The following SLC17A1 variants were observed in gnomAD, a reference collection of about 807,000 sequenced individuals.
SLC17A1 encodes solute carrier family 17 member 1.
In SLC17A1, 51 loss-of-function variants were observed where a neutral mutation model predicts 53.5. The observed-to-expected ratio is 0.95, with a 90% CI of 0.76 to 1.20. The LOEUF is 1.20. SLC17A1 is among the 50% of genes most tolerant of loss of function. SLC17A1 has a pLI of 0.00. For synonymous variants in SLC17A1, 179 were observed against 198.8 expected (o/e 0.90, Z 0.84); for missense variants, 538 against 568.2 (o/e 0.95, Z 0.54).
At chr6:25,802,063 A>G (rs901834474) in intron 10 of SLC17A1, among the ~76,000 whole-genome samples, 7 of 152,152 alleles carry the variant, frequency 4.6e-5, no homozygotes, top group African/African-American at 1.2e-4. Context: ...GGGAATTGGG[A>G]CCACTCATGA....
chr6:25,725,468 G>T, the SLC17A1 span, among the ~76,000 whole-genome samples: 2 of 152,120 alleles, frequency 1.3e-5, no homozygotes, highest in African/African-American at 4.8e-5. Context: ...TACCATATTT[G>T]AAAGGAAATT....
intron 12 of SLC17A1, among the ~76,000 whole-genome samples, chr6:25,783,940 G>C (rs1363652074): frequency 4.6e-5 from 7 of 151,860 alleles, no homozygotes; most frequent in Non-Finnish European, 5.9e-5. Context: ...GTCCAGATTA[G>C]CTCCTCTGAT....
At chr6:25,750,126 G>A in the SLC17A1 span, among the ~76,000 whole-genome samples, 41,364 of 152,146 alleles carry the variant, frequency 0.27, 6,835 homozygotes, top group East Asian at 0.7. Flanking sequence ...ACAAAGCACC[G>A]CCTTTTTTGG....
chr6:25,814,749 C>A (rs532104711), intron 6 of SLC17A1, among the ~76,000 whole-genome samples: 1 of 152,008 alleles, frequency 6.6e-6, no homozygotes, highest in Non-Finnish European at 1.5e-5. Flanking sequence ...TTTGGAAGGC[C>A]GAGGCGGGCG....
the SLC17A1 span, among the ~76,000 whole-genome samples, chr6:25,756,586 C>T: frequency 1.3e-4 from 20 of 152,318 alleles, no homozygotes; most frequent in East Asian, 3.5e-3. Context: ...ACAGCACTGT[C>T]CTCCCTTCAC....
intron 12 of SLC17A1, chr6:25,798,538 T>G (rs1763655854): frequency 2.9e-6 from 1 of 349,660 alleles, no homozygotes; most frequent in Non-Finnish European, 5.1e-6. Context: ...TTTGCAAACT[T>G]CTCTTTTTCA....
chr6:25,769,380 G>T, the SLC17A1 span, among the ~76,000 whole-genome samples: 1 of 151,910 alleles, frequency 6.6e-6, no homozygotes, highest in African/African-American at 2.4e-5. Flanking sequence ...CTTTGGGAGG[G>T]TGAGGCATCT....
chr6:25,796,057 TG>T (rs1377611059), intron 12 of SLC17A1, among the ~76,000 whole-genome samples: 1 of 152,150 alleles, frequency 6.6e-6, no homozygotes, highest in Non-Finnish European at 1.5e-5. Flanking sequence ...TAAAGTAAAG[TG>T]ATTGTTCTCA....
downstream of SLC17A1, chr6:25,779,489 A>T (rs1763198724): frequency 3.8e-6 from 1 of 261,224 alleles, no homozygotes; most frequent in East Asian, 8.4e-5. Flanking sequence ...AGGAAGCCAG[A>T]CCTTGGGACC....
intron 3 of SLC17A1, among the ~76,000 whole-genome samples, chr6:25,821,003 G>A (rs1764541307): frequency 6.6e-6 from 1 of 151,988 alleles, no homozygotes; most frequent in African/African-American, 2.4e-5. Flanking sequence ...CCACTTAACA[G>A]GAAGAAATCT....
At chr6:25,766,877 C>A in the SLC17A1 span, among the ~76,000 whole-genome samples, 1 of 152,162 alleles carries the variant, frequency 6.6e-6, no homozygotes, top group African/African-American at 2.4e-5. Flanking sequence ...GGAGACATGA[C>A]AACTAAGTGT....
At chr6:25,749,477 C>T in the SLC17A1 span, among the ~76,000 whole-genome samples, 1 of 145,666 alleles carries the variant, frequency 6.9e-6, no homozygotes, top group Non-Finnish European at 1.6e-5. Flanking sequence ...CTTTTCCCTA[C>T]AAGGAGACAA....
chr6:25,800,697 A>T (rs1444421493), intron 11 of SLC17A1, among the ~76,000 whole-genome samples, 193 bp downstream of exon 11: 1 of 152,126 alleles, frequency 6.6e-6, no homozygotes. Flanking sequence ...TATCTAATTG[A>T]CAAATAATGA....
chr6:25,796,305 T>C (rs1278618842), intron 12 of SLC17A1, among the ~76,000 whole-genome samples: 1 of 152,202 alleles, frequency 6.6e-6, no homozygotes, highest in Non-Finnish European at 1.5e-5. Flanking sequence ...TCCAGATTTT[T>C]GCCATTTCTA....
the SLC17A1 span, among the ~76,000 whole-genome samples, chr6:25,746,671 T>C: frequency 6.6e-6 from 1 of 152,210 alleles, no homozygotes; most frequent in African/African-American, 2.4e-5. Flanking sequence ...AATTTAGCCA[T>C]GGTCAACTAT....
chr6:25,759,632 G>C, the SLC17A1 span, among the ~76,000 whole-genome samples: 1 of 152,030 alleles, frequency 6.6e-6, no homozygotes, highest in Non-Finnish European at 1.5e-5. Flanking sequence ...CAGCCTGGGC[G>C]GCAGAGTGAG....
At chr6:25,737,507 C>T in the SLC17A1 span, among the ~76,000 whole-genome samples, 1 of 152,016 alleles carries the variant, frequency 6.6e-6, no homozygotes, top group Non-Finnish European at 1.5e-5. Flanking sequence ...CTCTAGTCTC[C>T]CTTCTAGCCT....
chr6:25,726,387 GC>G, the SLC17A1 span: 1 of 1,614,074 alleles, frequency 6.2e-7, no homozygotes, highest in Non-Finnish European at 8.5e-7. Flanking sequence ...ACACTGGTGC[GC>G]CTGCCCCTAT....
chr6:25,820,052 C>A, intron 3 of SLC17A1, 137 bp from the exon 4 acceptor site: 1 of 600,786 alleles, frequency 1.7e-6, no homozygotes, highest in East Asian at 2.8e-5. Flanking sequence ...TATCACAGGA[C>A]CTTCTTTATT....
Sources: allele counts gnomAD v4.1 joint callset (sites outside exome capture counted in the v4.1 genomes callset), GRCh38; gene constraint gnomAD v4.1.1; transcripts MANE v1.5; gene names NCBI Gene and HGNC (gene_info 2026-07-23, HGNC 2026-07-21).